The following PAPPA variants were observed in gnomAD, a reference collection of about 807,000 sequenced individuals.
The protein encoded by PAPPA is pappalysin 1.
In PAPPA, 60 loss-of-function variants were observed where a neutral mutation model predicts 164.0. That is an observed-to-expected ratio of 0.37 (90% CI 0.30 to 0.45). The LOEUF (loss-of-function observed/expected upper bound fraction) is 0.45, where lower values mean the gene tolerates loss of function less well. Among genes scored for constraint, PAPPA ranks in the 20% least tolerant of loss-of-function variants. PAPPA has a pLI of 1.00. For missense variants in PAPPA, 1,782 were observed against 2,087.3 expected, an observed-to-expected ratio of 0.85 and a Z score of 2.85; for synonymous variants, 875 against 814.1, an observed-to-expected ratio of 1.07 and a Z score of -1.27.
chr9:116,183,578 A>G (rs1843932657), intron 1 of PAPPA, among the ~76,000 whole-genome samples: 1 of 152,118 alleles, frequency 6.6e-6, no homozygotes, highest in South Asian at 2.1e-4. Flanking sequence ...AGTTATGTTC[A>G]TATAGAAATA....
intron 8 of PAPPA, among the ~76,000 whole-genome samples, chr9:116,269,650 A>G (rs1009640081): frequency 1.3e-5 from 2 of 152,226 alleles, no homozygotes; most frequent in Admixed American, 6.5e-5. Context: ...TCATGCCTAG[A>G]AGATATTTGT....
In PAPPA at chr9:116,187,290, C is replaced by T. The variant is rs1843983668; in HGVS notation, c.552C>T (p.Thr184=). The stretch of plus-strand genomic sequence containing the variant: ...CAGACCGAGCCCGGCAAGTGACCAC[C>T]ATCAATGCCCACCGCAGCTACCTCC... ...LKTDRARQVT[T]INAHRSYLPG... Residue 184 remains threonine (T), a synonymous_variant, in exon 2 of 22, where the codon ACC becomes ACT. Transcript: ENST00000328252. The surrounding 1 kb of genome is among the most constrained non-coding windows in gnomAD (Gnocchi z 4.2). 2 of 1,614,062 alleles carry T rather than the reference C, an allele frequency of 1.2e-6. No homozygotes were observed. Among genetic ancestry groups the T allele is most frequent in the South Asian group, 2.2e-5 (2 of 91,086 alleles).
At position 116,381,391 on chromosome 9, in the gene PAPPA, C is replaced by T. The variant is rs1846729385; in HGVS notation, c.4678-1004C>T. On this transcript the variant is annotated intron_variant, in intron 20 of 21. Transcript: ENST00000328252. The stretch of plus-strand genomic sequence containing the variant: ...AGTCAAAGACAAACTAGACATTGCC[C>T]ATGTCCATGAAGAGCTCACAGTCTT... Among the ~76,000 whole-genome samples, 3 of 152,276 alleles carry T rather than the reference C, an allele frequency of 2.0e-5. No individual in the cohort carries two copies. In the South Asian group the frequency reaches 6.2e-4, roughly 32 times the overall value.
In PAPPA at chr9:116,347,338, T is replaced by G; in HGVS notation, c.3964+129T>G. On this transcript the variant is annotated intron_variant, in intron 15 of 21. Transcript: ENST00000328252. The surrounding 1 kb of genome is among the most constrained non-coding windows in gnomAD (Gnocchi z 4.5). ...GGTTTTATCTATGCTCCTGACTTCT[T>G]CCTACTAATTGTATTTATGTAAACT... is the stretch of plus-strand genomic sequence containing the variant. 1.4e-6 allele frequency: 1 copy of G among 693,486 alleles called. No individual in the cohort carries two copies. Among genetic ancestry groups the G allele is most frequent in the Admixed American group, 3.2e-5 (1 of 30,870 alleles). The allele number at this position is 693,486 out of a possible 1,614,324, so 43.0% of individuals were successfully genotyped here.
At chr9:116,293,555 G>A (rs746158350) in intron 9 of PAPPA, among the ~76,000 whole-genome samples, 2 of 152,328 alleles carry the variant, frequency 1.3e-5, no homozygotes, top group East Asian at 1.9e-4. Context: ...TGCATTTGAC[G>A]GTGGAGATGT....
intron 6 of PAPPA, among the ~76,000 whole-genome samples, chr9:116,230,165 C>CA (rs1270266556): frequency 1.2e-4 from 19 of 152,258 alleles, no homozygotes; most frequent in African/African-American, 4.6e-4. Flanking sequence ...TACATGTGCA[C>CA]CAGGAAAAGA....
chr9:116,335,924 TA>T (rs1263469678), intron 13 of PAPPA, among the ~76,000 whole-genome samples: 1 of 152,206 alleles, frequency 6.6e-6, no homozygotes, highest in Non-Finnish European at 1.5e-5. Context: ...CATAACATAT[TA>T]AAGAAGAATA....
chr9:116,162,847 C>A (rs1034214329), intron 1 of PAPPA, among the ~76,000 whole-genome samples: 1 of 152,116 alleles, frequency 6.6e-6, no homozygotes, highest in Non-Finnish European at 1.5e-5. Flanking sequence ...CTTTTCCTCC[C>A]TTACAACTCA....
chr9:116,396,666 C>G lies in PAPPA; in HGVS notation c.*50C>G. On this transcript the variant is annotated 3_prime_UTR_variant, in exon 22 of 22. Transcript: ENST00000328252. ...ATTCCCAACGCCAGGACCCACATCC[C>G]TTTGGTATTGATTTCACAGTCAGCT... 1.3e-6 allele frequency: 1 copy of G among 765,892 alleles called. No individual in the cohort carries two copies. Among genetic ancestry groups the G allele is most frequent in the Non-Finnish European group, 2.4e-6 (1 of 409,432 alleles). The allele number at this position is 765,892 out of a possible 1,614,324, so 47.4% of individuals were successfully genotyped here.
chr9:116,359,224 T>C (rs1359676172), intron 17 of PAPPA, among the ~76,000 whole-genome samples: 1 of 152,202 alleles, frequency 6.6e-6, no homozygotes, highest in Non-Finnish European at 1.5e-5. Context: ...GCAAAAATAA[T>C]ATAATTTCTA....
rs889095739 is a variant in PAPPA at position 116,211,948 on chromosome 9, C to T, written c.1918+16C>T. Reference sequence around the variant, plus strand: ...AGCTATGCAGGTAGGGCCCTACACTCTGTAGGGTGAACAGGTCTGGATGTC... The same window carrying T: ...AGCTATGCAGGTAGGGCCCTACACTTTGTAGGGTGAACAGGTCTGGATGTC... On this transcript the variant is annotated intron_variant, in intron 4 of 21. Transcript: ENST00000328252. 6 of 1,604,664 alleles carry T rather than the reference C, an allele frequency of 3.7e-6. No individual in the cohort carries two copies. In the African/African-American group the frequency reaches 5.4e-5, roughly 14 times the overall value.
intron 9 of PAPPA, among the ~76,000 whole-genome samples, chr9:116,289,135 T>TGC (rs1845384423): frequency 2.0e-5 from 1 of 49,698 alleles, no homozygotes; most frequent in Non-Finnish European, 3.9e-5. Context: ...TATATATATA[T>TGC]ATATATATAT....
Position 116,154,629 on chromosome 9 carries a change from GC to G in PAPPA, c.415+46del. 7.8e-7 allele frequency: 1 copy of G among 1,284,594 alleles called. No homozygotes were observed. Among genetic ancestry groups the G allele is most frequent in the African/African-American group, 1.5e-5 (1 of 64,632 alleles). 79.6% of individuals were successfully genotyped at this position (1,284,594 alleles called of 1,614,324 possible). A position where few individuals can be genotyped will look rare whatever the true frequency, so the allele number is the denominator to read the frequency against. Reference sequence around the variant, plus strand: ...CGGCGGGCGCTGCACCGTCCCTGCGGCCCCAGAGGCTCGCGGGTGTCTGGGC... The same window carrying G: ...CGGCGGGCGCTGCACCGTCCCTGCGGCCCAGAGGCTCGCGGGTGTCTGGGC... On this transcript the variant is annotated intron_variant, in intron 1 of 21. Transcript: ENST00000328252. The surrounding 1 kb of genome is among the most constrained non-coding windows in gnomAD (Gnocchi z 5.2).
At chr9:116,380,493 G>A (rs1846716724) in intron 20 of PAPPA, among the ~76,000 whole-genome samples, 1 of 152,132 alleles carries the variant, frequency 6.6e-6, no homozygotes, top group Non-Finnish European at 1.5e-5. Flanking sequence ...TTATTCTAAG[G>A]AAGGGACAAT....
At chr9:116,338,168 T>C (rs1355012036) in intron 13 of PAPPA, among the ~76,000 whole-genome samples, 2 of 152,116 alleles carry the variant, frequency 1.3e-5, no homozygotes, top group Admixed American at 6.5e-5. Flanking sequence ...ATGGACCATG[T>C]ATTTAGAAAA....
At chr9:116,395,372 T>A (rs1176994849) in intron 21 of PAPPA, among the ~76,000 whole-genome samples, 1 of 152,082 alleles carries the variant, frequency 6.6e-6, no homozygotes, top group African/African-American at 2.4e-5. Context: ...GAGAGAAGGA[T>A]AGAAACAAAG....
chr9:116,216,979 AT>A (rs1844381369), intron 4 of PAPPA, among the ~76,000 whole-genome samples: 2 of 152,044 alleles, frequency 1.3e-5, no homozygotes. Context: ...TGACCTCGTG[AT>A]CCGCCCACCT....
At chr9:116,233,890 A>G (rs1316268518) in intron 6 of PAPPA, among the ~76,000 whole-genome samples, 1 of 151,484 alleles carries the variant, frequency 6.6e-6, no homozygotes, top group African/African-American at 2.4e-5. Context: ...GAGGCTGAAG[A>G]AAAAAAAAGA....
At chr9:116,164,241 A>G (rs187603016) in intron 1 of PAPPA, among the ~76,000 whole-genome samples, 22 of 152,290 alleles carry the variant, frequency 1.4e-4, no homozygotes, top group African/African-American at 5.1e-4. Context: ...TGGAACTGTC[A>G]TCTCTGAAGT....
Sources: gnomAD v4.1 joint callset for allele counts (sites outside exome capture counted in the v4.1 genomes callset) on GRCh38, gnomAD v4.1.1 for gene constraint, Gnocchi (gnomAD v3.1) non-coding constraint, MANE v1.5 for transcripts, NCBI Gene and HGNC (gene_info 2026-07-23, HGNC 2026-07-21) for gene names.